The following DPYD variants were observed in gnomAD, a reference collection of about 807,000 sequenced individuals.
DPYD encodes dihydropyrimidine dehydrogenase [NADP(+)].
DPYD carries 109 observed loss-of-function variants against 116.2 expected under a neutral mutation model. The observed-to-expected ratio is 0.94, with a 90% confidence interval of 0.80 to 1.10. The LOEUF is 1.10. Among genes scored for constraint, DPYD ranks in the 50% least tolerant of loss-of-function variants. The probability of loss-of-function intolerance (pLI) is 0.00; values close to 1 mark genes in which losing one functional copy is unlikely to be tolerated. For synonymous variants in DPYD, 440 were observed against 432.0 expected (o/e 1.02, Z -0.23); for missense variants, 1,302 against 1,254.5 (o/e 1.04, Z -0.57).
chr1:97,372,745 A>G (rs1258498184), intron 16 of DPYD, among the ~76,000 whole-genome samples: 1 of 145,990 alleles, frequency 6.8e-6, no homozygotes, highest in Non-Finnish European at 1.5e-5. Flanking sequence ...GACTTGAGAG[A>G]AAAAAAAAAA....
rs143432895 is a variant in DPYD at position 97,374,192 on chromosome 1, C to T, written c.1975-548G>A. ...ATGTAAAATGTTTTTAACAGAAAAT[C>T]AACATTATCATACTTAAAAACAGTT... On this transcript the variant is annotated intron_variant, in intron 15 of 22. Coordinates refer to ENST00000370192, the MANE Select transcript of DPYD (RefSeq NM_000110.4). Among the ~76,000 whole-genome samples the T allele has an allele frequency of 2.3e-3, 352 of 152,188 alleles. 1 individual carries two copies. Among genetic ancestry groups the T allele is most frequent in the African/African-American group, 8.3e-3 (346 of 41,524 alleles).
intron 10 of DPYD, among the ~76,000 whole-genome samples, chr1:97,583,170 T>C (rs949786744): frequency 5.7e-4 from 86 of 152,116 alleles, no homozygotes; most frequent in Middle Eastern, 6.8e-3. Flanking sequence ...GGGGTTTCAC[T>C]GTGTTAGCCA....
intron 10 of DPYD, 106 bp from the exon 11 acceptor site, chr1:97,574,076 A>T: frequency 1.3e-6 from 2 of 1,519,764 alleles, no homozygotes; most frequent in Non-Finnish European, 1.8e-6. Context: ...TATTAAGTCA[A>T]TATGCAGCTT....
intron 13 of DPYD, among the ~76,000 whole-genome samples, chr1:97,456,996 T>C (rs945144833): frequency 2.0e-5 from 3 of 152,090 alleles, no homozygotes; most frequent in African/African-American, 7.2e-5. Flanking sequence ...TGTTAGTGTG[T>C]TGAAGACTGT....
chr1:97,903,501 A>G (rs898529142), intron 1 of DPYD, among the ~76,000 whole-genome samples: 3 of 151,898 alleles, frequency 2.0e-5, no homozygotes, highest in African/African-American at 4.8e-5. Flanking sequence ...TGGTCAAAAC[A>G]TGTTGGTCTA....
chr1:97,797,134 G>A (rs1667611281), intron 3 of DPYD: 1 of 151,946 alleles, frequency 6.6e-6, no homozygotes, highest in Non-Finnish European at 1.5e-5. Flanking sequence ...AAAATGCAAG[G>A]AGGAAATACA....
At chr1:97,289,650 A>G (rs1665992705) in intron 18 of DPYD, among the ~76,000 whole-genome samples, 1 of 152,170 alleles carries the variant, frequency 6.6e-6, no homozygotes, top group Admixed American at 6.5e-5. Flanking sequence ...CTTCATGCTA[A>G]AAACTCTCAA....
chr1:97,363,653 G>C (rs147265593), intron 16 of DPYD, among the ~76,000 whole-genome samples: 3 of 152,246 alleles, frequency 2.0e-5, no homozygotes, highest in Middle Eastern at 3.4e-3. Flanking sequence ...TCCTTTGCAG[G>C]ATCATGGATA....
intron 13 of DPYD, among the ~76,000 whole-genome samples, chr1:97,469,608 T>C (rs1677531310): frequency 6.6e-6 from 1 of 152,132 alleles, no homozygotes; most frequent in African/African-American, 2.4e-5. Flanking sequence ...ATTAGCATAT[T>C]GATAAGTTTC....
intron 4 of DPYD, among the ~76,000 whole-genome samples, chr1:97,738,051 A>G (rs1168777168): frequency 6.6e-6 from 1 of 152,142 alleles, no homozygotes; most frequent in Non-Finnish European, 1.5e-5. Context: ...TCATGGAAAA[A>G]TCGATGGCTT....
At chr1:97,180,143 C>A (rs1657551148) in intron 20 of DPYD, among the ~76,000 whole-genome samples, 2 of 151,886 alleles carry the variant, frequency 1.3e-5, no homozygotes, top group Admixed American at 1.3e-4. Context: ...TTAAATCCCC[C>A]TTTTATTATT....
chr1:97,698,411 T>A (rs577690358), intron 6 of DPYD, among the ~76,000 whole-genome samples: 1 of 152,004 alleles, frequency 6.6e-6, no homozygotes, highest in African/African-American at 2.4e-5. Context: ...TATTGAAATT[T>A]ATACATTTAT....
chr1:97,836,910 A>G (rs1328356854), intron 2 of DPYD, among the ~76,000 whole-genome samples: 2 of 152,136 alleles, frequency 1.3e-5, no homozygotes, highest in Non-Finnish European at 1.5e-5. Flanking sequence ...CTAGATAGAT[A>G]TCAAATAAAA....
At chr1:97,286,028 C>A (rs1427966945) in intron 18 of DPYD, among the ~76,000 whole-genome samples, 1 of 152,166 alleles carries the variant, frequency 6.6e-6, no homozygotes, top group Admixed American at 6.5e-5. Context: ...ATAATCTTTA[C>A]AATTTGGCAT....
intron 18 of DPYD, among the ~76,000 whole-genome samples, chr1:97,258,940 T>C (rs1015882458): frequency 6.6e-6 from 1 of 152,132 alleles, no homozygotes; most frequent in South Asian, 2.1e-4. Context: ...AGATGGACTA[T>C]ATAAAACCTT....
At chr1:97,722,611 T>C (rs949945492) in intron 4 of DPYD, among the ~76,000 whole-genome samples, 1 of 151,576 alleles carries the variant, frequency 6.6e-6, no homozygotes, top group African/African-American at 2.4e-5. Flanking sequence ...ATTGCATTTA[T>C]TTTTCCTTTG....
At chr1:97,409,856 T>C (rs914804615) in intron 14 of DPYD, among the ~76,000 whole-genome samples, 1 of 152,134 alleles carries the variant, frequency 6.6e-6, no homozygotes, top group East Asian at 1.9e-4. Context: ...GGCAAGCGGA[T>C]CACCTGAAGT....
At chr1:97,528,819 G>T (rs1649346981) in intron 12 of DPYD, among the ~76,000 whole-genome samples, 1 of 151,800 alleles carries the variant, frequency 6.6e-6, no homozygotes, top group Non-Finnish European at 1.5e-5. Flanking sequence ...CATTCTCCTT[G>T]CCTCCTACTC....
intron 3 of DPYD, among the ~76,000 whole-genome samples, chr1:97,761,920 C>T (rs978887383): frequency 2.1e-5 from 3 of 145,816 alleles, no homozygotes; most frequent in African/African-American, 7.3e-5. Flanking sequence ...AAATCAAATA[C>T]TACATGCTAT....
Sources: gnomAD v4.1 joint callset for allele counts (sites outside exome capture counted in the v4.1 genomes callset) on GRCh38, gnomAD v4.1.1 for gene constraint, MANE v1.5 for transcripts, NCBI Gene and HGNC (gene_info 2026-07-23, HGNC 2026-07-21) for gene names.